The following ARSG variants were observed in gnomAD, a reference collection of about 807,000 sequenced individuals.
ARSG encodes the protein arylsulfatase G, also known as ASG.
ARSG carries 37 observed loss-of-function variants against 50.5 expected under a neutral mutation model. The ratio of observed to expected loss-of-function variants is 0.73; its 90% CI spans 0.56 to 0.96. The LOEUF is 0.96. ARSG is among the 50% of genes least tolerant of loss of function. ARSG has a pLI of 0.00. For missense variants in ARSG, 629 were observed against 675.3 expected (o/e 0.93, Z 0.76); for synonymous variants, 225 against 254.6 (o/e 0.88, Z 1.11).
chr17:68,411,839 T>C (rs1321888298), intron 11 of ARSG, among the ~76,000 whole-genome samples: 1 of 150,538 alleles, frequency 6.6e-6, no homozygotes, highest in African/African-American at 2.5e-5. Flanking sequence ...TTAGGATAGT[T>C]AGCTCTTCTT....
chr17:68,318,024 G>A (rs1040353460), intron 2 of ARSG, among the ~76,000 whole-genome samples: 6 of 151,972 alleles, frequency 3.9e-5, no homozygotes, highest in African/African-American at 1.2e-4. Flanking sequence ...TCTTGAACCC[G>A]GGAGGTGGAG....
chr17:68,286,313 G>T (rs997282201), intron 1 of ARSG, among the ~76,000 whole-genome samples: 1 of 152,168 alleles, frequency 6.6e-6, no homozygotes, highest in Non-Finnish European at 1.5e-5. Context: ...AATAGAGTTA[G>T]AATTATTGAA....
At chr17:68,352,091 G>C (rs1342421299) in intron 5 of ARSG, among the ~76,000 whole-genome samples, 2 of 36,638 alleles carry the variant, frequency 5.5e-5, no homozygotes, top group African/African-American at 2.1e-4. Flanking sequence ...AGACAGAGGA[G>C]AGAGAGAGAG....
chr17:68,399,458 A>C lies in ARSG; in HGVS notation c.1213-1902A>C, dbSNP rs1411781318. Reference sequence around the variant, plus strand: ...CACCAGGAAGGCAAAACAAGTTTGCAGAAGATAAAGTCATCTTTGAAATTT... The same window carrying C: ...CACCAGGAAGGCAAAACAAGTTTGCCGAAGATAAAGTCATCTTTGAAATTT... On this transcript the variant is annotated intron_variant, in intron 10 of 11. Coordinates refer to ENST00000621439, the MANE Select transcript of ARSG (RefSeq NM_001267727.2). The surrounding 1 kb of genome is among the most constrained non-coding windows in gnomAD (Gnocchi z 4.6). 6.6e-6 allele frequency among the ~76,000 whole-genome samples: 1 copy of C among 152,246 alleles called. No homozygotes were observed. The highest frequency in any genetic ancestry group is 2.4e-5 in the African/African-American group (1 of 41,470).
At chr17:68,426,398 CTT>C (rs1329236648), downstream of ARSG, among the ~76,000 whole-genome samples, 2 of 152,164 alleles carry the variant, frequency 1.3e-5, no homozygotes, top group Non-Finnish European at 2.9e-5. Context: ...CATCCTACCT[CTT>C]TGAATTTTTC....
At chr17:68,394,978 G>T in intron 9 of ARSG, 95 bp from the exon 10 acceptor site, 1 of 1,551,214 alleles carries the variant, frequency 6.4e-7, no homozygotes, top group East Asian at 2.3e-5. Flanking sequence ...GGCTGTGGGT[G>T]CTTGCTCTGG....
At chr17:68,331,213 C>CTTTT (rs2077737033) in intron 2 of ARSG, among the ~76,000 whole-genome samples, 1 of 40,988 alleles carries the variant, frequency 2.4e-5, no homozygotes, top group Non-Finnish European at 4.9e-5. Flanking sequence ...TTCTTTCTTT[C>CTTTT]TTTCTTTCTT....
At position 68,419,614 on chromosome 17, in the gene ARSG, A is replaced by G. The variant is rs987550225; in HGVS notation, c.1304-575A>G. 1.1e-4 allele frequency among the ~76,000 whole-genome samples: 17 copies of G among 152,112 alleles called. 1 individual carries two copies. The stretch of plus-strand genomic sequence containing the variant: ...ATATCCTGATTTTGTGTCAATAAAG[A>G]TACTTGAATGAATGTTCTACTGGCC... On this transcript the variant is annotated intron_variant, in intron 11 of 11. Transcript: ENST00000621439.
rs1451998892 is a variant in ARSG at position 68,265,644 on chromosome 17, G to A, written c.-552+6218G>A. Among the ~76,000 whole-genome samples the A allele has an allele frequency of 4.0e-5, 6 of 151,364 alleles. 1 individual carries two copies. The highest frequency in any genetic ancestry group is 7.4e-5 in the Non-Finnish European group (5 of 67,996). ...GCTTTGCTTCTGGCGGTACTGACCTGTGCCGGTGTTACAGATGTGTGGTGA... is the reference window on the plus strand; with the variant it reads ...GCTTTGCTTCTGGCGGTACTGACCTATGCCGGTGTTACAGATGTGTGGTGA... On this transcript the variant is annotated intron_variant, in intron 1 of 11. Transcript: ENST00000448504.
chr17:68,370,627 T>G (rs2079791898), intron 8 of ARSG, 103 bp downstream of exon 8: 1 of 997,210 alleles, frequency 1.0e-6, no homozygotes, highest in Non-Finnish European at 1.5e-6. Flanking sequence ...ATCTGGGCCT[T>G]AGGGTCATCA....
chr17:68,288,702 G>C (rs974901871), upstream of ARSG, among the ~76,000 whole-genome samples: 4 of 152,196 alleles, frequency 2.6e-5, no homozygotes, highest in Non-Finnish European at 5.9e-5. Context: ...GACAGCCTTT[G>C]ACCGTCACTT....
chr17:68,389,901 G>A (rs967105519), intron 9 of ARSG, among the ~76,000 whole-genome samples: 4 of 152,060 alleles, frequency 2.6e-5, no homozygotes, highest in South Asian at 2.1e-4. Flanking sequence ...CTTCTGGAAC[G>A]AGCCCCCTGT....
intron 2 of ARSG, among the ~76,000 whole-genome samples, chr17:68,313,795 C>T (rs556921745): frequency 2.0e-5 from 3 of 151,340 alleles, no homozygotes; most frequent in African/African-American, 4.8e-5. Flanking sequence ...TCTCCTGCCT[C>T]GGCCTTCTGA....
intron 7 of ARSG, 114 bp from the exon 8 acceptor site, chr17:68,370,328 TAA>T: frequency 1.2e-6 from 1 of 856,590 alleles, no homozygotes; most frequent in Non-Finnish European, 1.8e-6. Context: ...TTTGTCTTTA[TAA>T]GTCCTTTTTC....
chr17:68,303,861 A>C (rs1484986315), intron 1 of ARSG, among the ~76,000 whole-genome samples: 1 of 152,218 alleles, frequency 6.6e-6, no homozygotes, highest in East Asian at 1.9e-4. Flanking sequence ...TTTAGTTAAC[A>C]AAAATGGGGA....
At chr17:68,410,591 G>T in intron 11 of ARSG, among the ~76,000 whole-genome samples, 1 of 151,904 alleles carries the variant, frequency 6.6e-6, no homozygotes, top group Non-Finnish European at 1.5e-5. Context: ...TCTCTTTTTT[G>T]GTTGTGTCTC....
chr17:68,266,691 A>C (rs1289793707), intron 1 of ARSG, among the ~76,000 whole-genome samples: 1 of 151,638 alleles, frequency 6.6e-6, no homozygotes, highest in East Asian at 1.9e-4. Context: ...GGCACCTGTA[A>C]TCCTAGCTAC....
intron 8 of ARSG, among the ~76,000 whole-genome samples, chr17:68,371,831 T>C (rs553149817): frequency 2.0e-5 from 3 of 152,290 alleles, no homozygotes; most frequent in African/African-American, 7.2e-5. Flanking sequence ...TTTATTGACT[T>C]GGAAACATTT....
chr17:68,394,991 T>G (rs543800349), intron 9 of ARSG, 82 bp from the exon 10 acceptor site: 1 of 1,584,162 alleles, frequency 6.3e-7, no homozygotes, highest in Non-Finnish European at 8.6e-7. Context: ...TGCTCTGGGC[T>G]GGTTCAGGTG....
Sources: allele counts gnomAD v4.1 joint callset (sites outside exome capture counted in the v4.1 genomes callset), GRCh38; gene constraint gnomAD v4.1.1; non-coding constraint Gnocchi (gnomAD v3.1); transcripts MANE v1.5; gene names NCBI Gene and HGNC (gene_info 2026-07-23, HGNC 2026-07-21).